Variants in MCF2L observed in about 807,000 individuals in gnomAD.
MCF2L encodes MCF.2 cell line derived transforming sequence like.
MCF2L carries 97 observed loss-of-function variants against 153.4 expected under a neutral mutation model. That is an observed-to-expected ratio of 0.63 (90% CI 0.54 to 0.75). The LOEUF (loss-of-function observed/expected upper bound fraction) is 0.75. MCF2L is among the 30% of genes least tolerant of loss of function. The probability of loss-of-function intolerance (pLI) is 0.00; values close to 1 mark genes in which losing one functional copy is unlikely to be tolerated. For synonymous variants in MCF2L, 659 were observed against 632.2 expected (o/e 1.04, Z -0.64); for missense variants, 1,347 against 1,495.2 (o/e 0.90, Z 1.64).
rs980940070 is a variant in MCF2L at position 112,969,589 on chromosome 13, G to C, written c.79+131G>C. ...TCTAGCCGTGGTAGCTGTGACATGG[G>C]GGGCACTGGTTGGCAGCTGGTGTGT... On this transcript the variant is annotated intron_variant, in intron 1 of 29. Transcript: ENST00000535094. The surrounding 1 kb of genome is among the most constrained non-coding windows in gnomAD (Gnocchi z 4.8). 2 of 1,470,266 alleles carry C rather than the reference G, an allele frequency of 1.4e-6. No homozygotes were observed. Among genetic ancestry groups the C allele is most frequent in the African/African-American group, 1.4e-5 (1 of 71,500 alleles). 91.1% of individuals were successfully genotyped at this position (1,470,266 alleles called of 1,614,324 possible). A position where few individuals can be genotyped will look rare whatever the true frequency, so the allele number is the denominator to read the frequency against.
chr13:112,999,578 C>T lies in MCF2L; in HGVS notation c.80-15185C>T, dbSNP rs2083277907. 4.6e-5 allele frequency among the ~76,000 whole-genome samples: 7 copies of T among 152,226 alleles called. No homozygotes were observed. In the South Asian group the frequency reaches 1.4e-3, roughly 32 times the overall value. The stretch of plus-strand genomic sequence containing the variant: ...CTGAGACGTCCCAGCCCTCCGTGTC[C>T]TCCAGTGCTGGGAGCACCGAGGGAG... On this transcript the variant is annotated intron_variant, in intron 1 of 29. Transcript: ENST00000535094.
chr13:113,043,502 A>T (rs1178177620), intron 3 of MCF2L: 1 of 152,292 alleles, frequency 6.6e-6, no homozygotes, highest in East Asian at 1.9e-4. Flanking sequence ...GGCCTGGCAC[A>T]TCCAAGGTCC....
At chr13:113,023,391 C>G (rs1271708152) in intron 2 of MCF2L, among the ~76,000 whole-genome samples, 2 of 152,194 alleles carry the variant, frequency 1.3e-5, no homozygotes, top group Admixed American at 6.5e-5. Context: ...CCCAGCGTCC[C>G]GGGATCACTG....
intron 12 of MCF2L, 34 bp from the exon 13 acceptor site, chr13:113,077,016 CAT>C: frequency 3.8e-6 from 6 of 1,579,448 alleles, no homozygotes; most frequent in Non-Finnish European, 5.2e-6. Flanking sequence ...ATGACACCAA[CAT>C]GTGCAAGGCA....
rs2086728714 is a variant in MCF2L, at chr13:113,045,130, T to G, written c.279-141T>G. 1 of 926,010 alleles carries G rather than the reference T, an allele frequency of 1.1e-6. No homozygotes were observed. Among genetic ancestry groups the G allele is most frequent in the African/African-American group, 1.6e-5 (1 of 61,614 alleles). The allele number at this position is 926,010 out of a possible 1,614,324, so 57.4% of individuals were successfully genotyped here. ...GGATGGGGCTGCCGGGGCCCCCGTG[T>G]GCCATGCCTCTCACCTGGTATTGCA... On this transcript the variant is annotated intron_variant, in intron 3 of 29. Transcript: ENST00000535094. This position sits in a 1 kb window ranked among gnomAD's most constrained non-coding sequence, Gnocchi z 4.2.
intron 1 of MCF2L, among the ~76,000 whole-genome samples, chr13:112,999,391 G>A (rs757474746): frequency 6.6e-6 from 1 of 152,178 alleles, no homozygotes; most frequent in Non-Finnish European, 1.5e-5. Context: ...TTCCCCACAC[G>A]ACGCCCTCTC....
chr13:112,967,296 A>G (rs1036592542), upstream of MCF2L, among the ~76,000 whole-genome samples: 14 of 151,920 alleles, frequency 9.2e-5, no homozygotes, highest in African/African-American at 3.1e-4. Flanking sequence ...GGAGGTAGCA[A>G]TTGTGCCGCC....
chr13:113,052,395 G>A (rs1306157645), intron 4 of MCF2L: 1 of 154,954 alleles, frequency 6.5e-6, no homozygotes, highest in African/African-American at 2.4e-5. Context: ...TAAACCCAGA[G>A]CCAGGCCTTG....
chr13:113,039,526 C>T (rs1055145819), intron 3 of MCF2L, among the ~76,000 whole-genome samples: 2 of 152,170 alleles, frequency 1.3e-5, no homozygotes, highest in African/African-American at 4.8e-5. Flanking sequence ...AAGAGATCGA[C>T]ACGGAAAGCC....
At chr13:112,981,780 C>T (rs1594467518) in intron 1 of MCF2L, among the ~76,000 whole-genome samples, 1 of 152,242 alleles carries the variant, frequency 6.6e-6, no homozygotes, top group South Asian at 2.1e-4. Context: ...CCCTCTGCCT[C>T]CTGTTGCCTG....
intron 1 of MCF2L, among the ~76,000 whole-genome samples, chr13:112,975,877 G>T (rs1208674551): frequency 6.6e-6 from 1 of 152,104 alleles, no homozygotes; most frequent in African/African-American, 2.4e-5. Context: ...GCTCGAGCCC[G>T]GGCTTCAGCA....
In MCF2L at chr13:112,969,591, G is replaced by T; in HGVS notation, c.79+133G>T. On this transcript the variant is annotated intron_variant, in intron 1 of 29. Transcript: ENST00000535094. This position sits in a 1 kb window ranked among gnomAD's most constrained non-coding sequence, Gnocchi z 4.8. ...TAGCCGTGGTAGCTGTGACATGGGG[G>T]GCACTGGTTGGCAGCTGGTGTGTTT... 1 of 1,450,364 alleles carries T rather than the reference G, an allele frequency of 6.9e-7. No individual in the cohort carries two copies. Among genetic ancestry groups the T allele is most frequent in the South Asian group, 1.4e-5 (1 of 73,842 alleles). 89.8% of individuals were successfully genotyped at this position (1,450,364 alleles called of 1,614,324 possible). A position where few individuals can be genotyped will look rare whatever the true frequency, so the allele number is the denominator to read the frequency against.
At chr13:113,009,213 T>C (rs2993293) in intron 1 of MCF2L, 144,953 of 152,344 alleles carry the variant, frequency 0.95, 69,397 homozygotes, top group East Asian at 1. Flanking sequence ...ATGACGCCCC[T>C]GCGGTAGGAG....
rs748801937 is a variant in MCF2L, at chr13:113,045,268, C to T, written c.279-3C>T. The T allele has an allele frequency of 8.5e-5, 137 of 1,611,882 alleles. No individual in the cohort carries two copies. Among genetic ancestry groups the T allele is most frequent in the Non-Finnish European group, 5.6e-5 (66 of 1,178,318 alleles). On this transcript the variant is annotated splice_region_variant and splice_polypyrimidine_tract_variant and intron_variant, in intron 3 of 29. Coordinates refer to ENST00000535094, the MANE Select transcript of MCF2L (RefSeq NM_001112732.3). The surrounding 1 kb of genome is among the most constrained non-coding windows in gnomAD (Gnocchi z 4.2). The stretch of plus-strand genomic sequence containing the variant: ...TAACGGCGGCGTCTCTTCCTCACTG[C>T]AGCCTGCAGGACGCTGGCATCGGAT...
chr13:112,981,684 C>T (rs985007964), intron 1 of MCF2L, among the ~76,000 whole-genome samples: 5 of 152,220 alleles, frequency 3.3e-5, no homozygotes, highest in East Asian at 1.9e-4. Flanking sequence ...GTCCACACCC[C>T]GAGGCACAGG....
At chr13:112,906,479 C>T (rs1890204) in intron 2 of MCF2L, among the ~76,000 whole-genome samples, 2,704 of 152,338 alleles carry the variant, frequency 0.018, 80 homozygotes, top group African/African-American at 0.06. Context: ...CATGCACACA[C>T]GCATATGTAC....
chr13:113,009,376 T>G (rs1244202148), intron 1 of MCF2L: 1 of 152,266 alleles, frequency 6.6e-6, no homozygotes, highest in East Asian at 1.9e-4. Context: ...ATGAAATATT[T>G]ATACCTAACC....
intron 2 of MCF2L, among the ~76,000 whole-genome samples, chr13:112,945,893 G>A (rs1355993787): frequency 1.3e-5 from 2 of 152,216 alleles, no homozygotes; most frequent in African/African-American, 2.4e-5. Context: ...TTTGTGCCGT[G>A]TACTTTATTC....
At chr13:112,944,646 A>C (rs1160868617) in intron 2 of MCF2L, among the ~76,000 whole-genome samples, 1 of 142,902 alleles carries the variant, frequency 7.0e-6, no homozygotes, top group African/African-American at 2.6e-5. Context: ...ACCTCGGCTC[A>C]CGGCTAATTT....
Sources: allele counts gnomAD v4.1 joint callset (sites outside exome capture counted in the v4.1 genomes callset), GRCh38; gene constraint gnomAD v4.1.1; non-coding constraint Gnocchi (gnomAD v3.1); transcripts MANE v1.5; gene names NCBI Gene and HGNC (gene_info 2026-07-23, HGNC 2026-07-21).